The following ANKRD30B variants were observed in gnomAD, a reference collection of about 807,000 sequenced individuals.
ANKRD30B encodes the protein ankyrin repeat domain-containing protein 30B.
A neutral mutation model predicts 202.2 loss-of-function variants in ANKRD30B; 144 were observed. That is an observed-to-expected ratio of 0.71 (90% CI 0.62 to 0.82). The LOEUF is 0.82. Among genes scored for constraint, ANKRD30B ranks in the 40% least tolerant of loss-of-function variants. ANKRD30B has a pLI of 0.00. For missense variants in ANKRD30B, 1,487 were observed against 1,669.1 expected (o/e 0.89, Z 1.90); for synonymous variants, 508 against 561.3 (o/e 0.91, Z 1.34).
intron 34 of ANKRD30B, among the ~76,000 whole-genome samples, chr18:14,833,678 C>A (rs1338768803): frequency 6.6e-6 from 1 of 152,096 alleles, no homozygotes; most frequent in African/African-American, 2.4e-5. Context: ...ATCTTTATTA[C>A]ACAAGTATTA....
the ANKRD30B span, among the ~76,000 whole-genome samples, chr18:14,867,217 C>T: frequency 6.7e-6 from 1 of 149,640 alleles, no homozygotes; most frequent in Non-Finnish European, 1.5e-5. Context: ...ATCGAGTGTC[C>T]ACCACGGGTG....
rs71364858 is a variant in ANKRD30B at position 14,792,061 on chromosome 18, T to C, written c.1825+570T>C. 1.4e-3 allele frequency among the ~76,000 whole-genome samples: 214 copies of C among 152,262 alleles called. 1 individual carries two copies. Among genetic ancestry groups the C allele is most frequent in the East Asian group, 8.0e-3 (41 of 5,146 alleles). On this transcript the variant is annotated intron_variant, in intron 16 of 43. Coordinates refer to ENST00000690538, the MANE Select transcript of ANKRD30B (RefSeq NM_001367607.2). ...ATAGTTGAGAATAAGCATATATGCA[T>C]GGCCACACATGTATATAATTTGTCA...
chr18:14,803,673 T>G, intron 23 of ANKRD30B, 61 bp from the exon 24 acceptor site: 1 of 1,495,550 alleles, frequency 6.7e-7, no homozygotes, highest in Non-Finnish European at 9.1e-7. Flanking sequence ...TAGGAACTTT[T>G]GATACTCCTC....
chr18:14,868,473 C>A, the ANKRD30B span, among the ~76,000 whole-genome samples: 2 of 152,400 alleles, frequency 1.3e-5, no homozygotes, highest in East Asian at 3.9e-4. Flanking sequence ...CAAAAGGCTT[C>A]TTTCCTGGGT....
At chr18:14,883,551 C>T in the ANKRD30B span, 1 of 149,592 alleles carries the variant, frequency 6.7e-6, no homozygotes, top group African/African-American at 2.5e-5. Context: ...TATTCTCAGA[C>T]GGTCTTGGGT....
At chr18:14,823,499 C>A (rs1041876632) in intron 32 of ANKRD30B, among the ~76,000 whole-genome samples, 3 of 151,540 alleles carry the variant, frequency 2.0e-5, no homozygotes, top group African/African-American at 7.3e-5. Flanking sequence ...TGTGTGTGTG[C>A]GTGTGTGACT....
the ANKRD30B span, among the ~76,000 whole-genome samples, chr18:14,869,982 C>G: frequency 6.6e-6 from 1 of 151,596 alleles, no homozygotes; most frequent in Admixed American, 6.6e-5. Flanking sequence ...ATTACAGGCA[C>G]GGGCCACCAC....
At chr18:14,808,371 A>G (rs1423389871) in intron 24 of ANKRD30B, 180 bp from the exon 25 acceptor site, 12 of 670,554 alleles carry the variant, frequency 1.8e-5, no homozygotes, top group African/African-American at 3.6e-5. Flanking sequence ...AATTTTCTTA[A>G]GTATATTTCT....
At position 14,748,440 on chromosome 18, in the gene ANKRD30B, C is replaced by A. The variant is rs1322589881; in HGVS notation, c.21C>A (p.Ala7=). 1.3e-6 allele frequency: 2 copies of A among 1,515,208 alleles called. No homozygotes were observed. Among genetic ancestry groups the A allele is most frequent in the Non-Finnish European group, 1.8e-6 (2 of 1,129,704 alleles). The allele number at this position is 1,515,208 out of a possible 1,614,324, so 93.9% of individuals were successfully genotyped here. A position where few individuals can be genotyped will look rare whatever the true frequency, so the allele number is the denominator to read the frequency against. ...CAGCCATGAAGAGGCTCTTAGCTGC[C>A]GCTGGCAAGGGCGTGCGGGGCCCGG... The part of the protein sequence containing the change: MKRLLA[A]AGKGVRGPEP... Residue 7 remains alanine, a synonymous_variant, in exon 1 of 44, where the codon GCC becomes GCA. Transcript: ENST00000690538.
At chr18:14,851,350 C>T (rs1052758750) in intron 41 of ANKRD30B, among the ~76,000 whole-genome samples, 159 bp from the exon 42 acceptor site, 1 of 150,618 alleles carries the variant, frequency 6.6e-6, no homozygotes, top group Non-Finnish European at 1.5e-5. Flanking sequence ...AATTTATGCT[C>T]TATAGTATTT....
intron 37 of ANKRD30B, among the ~76,000 whole-genome samples, chr18:14,841,529 G>A (rs1228114430): frequency 6.6e-6 from 1 of 151,876 alleles, no homozygotes; most frequent in African/African-American, 2.4e-5. Flanking sequence ...GACCAGAGGG[G>A]AAAAAAGAGG....
chr18:14,855,061 T>C (rs1439255038), downstream of ANKRD30B, among the ~76,000 whole-genome samples: 1 of 152,136 alleles, frequency 6.6e-6, no homozygotes, highest in Non-Finnish European at 1.5e-5. Context: ...CAGCCTTCCA[T>C]AGTGTTTGTG....
At chr18:14,882,307 G>T in the ANKRD30B span, among the ~76,000 whole-genome samples, 2 of 152,044 alleles carry the variant, frequency 1.3e-5, no homozygotes, top group Non-Finnish European at 2.9e-5. Context: ...TTGATAGGTT[G>T]TGTCATCCAG....
chr18:14,838,515 AT>A (rs1021330016), intron 36 of ANKRD30B, among the ~76,000 whole-genome samples: 9 of 151,546 alleles, frequency 5.9e-5, no homozygotes, highest in East Asian at 1.9e-4. Context: ...ATAAGTGGAC[AT>A]TTTTTTTTCA....
intron 6 of ANKRD30B, among the ~76,000 whole-genome samples, chr18:14,762,191 G>T (rs1329918454): frequency 6.6e-6 from 1 of 152,198 alleles, no homozygotes; most frequent in Non-Finnish European, 1.5e-5. Context: ...GGAGAGATTT[G>T]TCTTGCCATC....
At chr18:14,935,455 A>C in the ANKRD30B span, among the ~76,000 whole-genome samples, 1 of 152,238 alleles carries the variant, frequency 6.6e-6, no homozygotes, top group Non-Finnish European at 1.5e-5. Flanking sequence ...TGCATCCAGC[A>C]GCCCAAGGTG....
chr18:14,914,082 C>T, the ANKRD30B span, among the ~76,000 whole-genome samples: 1 of 152,140 alleles, frequency 6.6e-6, no homozygotes, highest in East Asian at 1.9e-4. Context: ...CTCATAACTT[C>T]CCTGCTGTCA....
intron 30 of ANKRD30B, among the ~76,000 whole-genome samples, chr18:14,818,776 G>A (rs1970254593): frequency 6.6e-6 from 1 of 151,928 alleles, no homozygotes; most frequent in Admixed American, 6.6e-5. Context: ...GGATATTTGG[G>A]TTGGTTCCAA....
intron 27 of ANKRD30B, 24 bp from the exon 28 acceptor site, chr18:14,810,084 T>A: frequency 6.7e-7 from 1 of 1,484,208 alleles, no homozygotes; most frequent in Non-Finnish European, 9.2e-7. Flanking sequence ...ATCTATTAAT[T>A]TTTGTGTTTC....
Sources: gnomAD v4.1 joint callset for allele counts (sites outside exome capture counted in the v4.1 genomes callset) on GRCh38, gnomAD v4.1.1 for gene constraint, MANE v1.5 for transcripts, NCBI Gene and HGNC (gene_info 2026-07-23, HGNC 2026-07-21) for gene names.